Variants in KCNT2 observed in about 807,000 individuals in gnomAD.
KCNT2 encodes the protein potassium channel subfamily T member 2.
Under a neutral mutation model 153.8 loss-of-function variants are expected in KCNT2, and 67 were observed. The ratio of observed to expected loss-of-function variants is 0.44; its 90% CI spans 0.36 to 0.53. The LOEUF (loss-of-function observed/expected upper bound fraction) is 0.53. KCNT2 is among the 20% of genes least tolerant of loss of function. KCNT2 has a pLI of 0.00. For synonymous variants in KCNT2, 500 were observed against 458.8 expected, an observed-to-expected ratio of 1.09 and a Z score of -1.15; for missense variants, 975 against 1,354.8, an observed-to-expected ratio of 0.72 and a Z score of 4.40.
At chr1:196,293,317 C>A (rs1350444054) in intron 22 of KCNT2, among the ~76,000 whole-genome samples, 2 of 151,462 alleles carry the variant, frequency 1.3e-5, no homozygotes, top group Non-Finnish European at 3.0e-5. Flanking sequence ...ACAGCCAAAG[C>A]AATCTTAAGA....
chr1:196,475,372 C>T (rs1484739780), intron 5 of KCNT2, among the ~76,000 whole-genome samples: 3 of 151,964 alleles, frequency 2.0e-5, no homozygotes, highest in South Asian at 2.1e-4. Flanking sequence ...CCCAGCACTT[C>T]GGGAGGCTGA....
chr1:196,445,248 T>C (rs1000253323), intron 8 of KCNT2, among the ~76,000 whole-genome samples: 2 of 151,372 alleles, frequency 1.3e-5, no homozygotes, highest in Admixed American at 1.3e-4. Context: ...TTAAATGTCC[T>C]TGCACATGTG....
intron 21 of KCNT2, among the ~76,000 whole-genome samples, chr1:196,314,213 TC>T (rs1475844983): frequency 1.3e-5 from 2 of 151,548 alleles, no homozygotes; most frequent in Admixed American, 1.3e-4. Context: ...GAAATAAAAT[TC>T]ATGGTAAATT....
intron 16 of KCNT2, among the ~76,000 whole-genome samples, chr1:196,339,531 AG>A (rs1226600941): frequency 5.3e-5 from 8 of 151,624 alleles, no homozygotes; most frequent in South Asian, 2.1e-4. Flanking sequence ...AGAGAGAGAG[AG>A]AGAGAGAGAG....
intron 1 of KCNT2, among the ~76,000 whole-genome samples, chr1:196,494,578 C>G (rs934374039): frequency 6.6e-6 from 1 of 152,020 alleles, no homozygotes; most frequent in Non-Finnish European, 1.5e-5. Flanking sequence ...AGGATGGTCT[C>G]AATTTCCTGA....
chr1:196,228,534 G>A (rs930292579), intron 27 of KCNT2, among the ~76,000 whole-genome samples, 199 bp from the exon 28 acceptor site: 1 of 152,034 alleles, frequency 6.6e-6, no homozygotes, highest in Admixed American at 6.6e-5. Context: ...TTTCATACCT[G>A]AGAAGATTAT....
chr1:196,543,786 T>C (rs1012444540), intron 1 of KCNT2, among the ~76,000 whole-genome samples: 3 of 152,088 alleles, frequency 2.0e-5, no homozygotes, highest in Non-Finnish European at 4.4e-5. Flanking sequence ...CCCTTATACA[T>C]TGTTGATTAG....
intron 26 of KCNT2, chr1:196,257,191 T>C (rs1656590166): frequency 1.0e-6 from 1 of 963,294 alleles, no homozygotes; most frequent in Non-Finnish European, 1.2e-6. Context: ...AATATACACA[T>C]AAAGCACCTA....
intron 1 of KCNT2, among the ~76,000 whole-genome samples, chr1:196,495,907 T>C (rs918449891): frequency 6.6e-6 from 1 of 152,192 alleles, no homozygotes; most frequent in Non-Finnish European, 1.5e-5. Context: ...TCAACAACAT[T>C]TTATTTGGGT....
intron 23 of KCNT2, 84 bp from the exon 24 acceptor site, chr1:196,282,440 A>T: frequency 1.6e-6 from 1 of 637,240 alleles, no homozygotes; most frequent in Non-Finnish European, 2.7e-6. Flanking sequence ...AAAAGTGTGA[A>T]CATCTGACTT....
intron 26 of KCNT2, among the ~76,000 whole-genome samples, chr1:196,247,651 T>A (rs1283027385): frequency 6.6e-5 from 10 of 152,086 alleles, no homozygotes; most frequent in Admixed American, 5.9e-4. Flanking sequence ...GAAAAGCCCC[T>A]TATAAAACCA....
chr1:196,354,178 G>A (rs571571951), intron 14 of KCNT2, among the ~76,000 whole-genome samples: 6 of 151,632 alleles, frequency 4.0e-5, no homozygotes, highest in Non-Finnish European at 7.4e-5. Flanking sequence ...CTAAAGAAAA[G>A]CCTTGGTGTT....
At chr1:196,454,828 A>G (rs1676517282) in intron 8 of KCNT2, among the ~76,000 whole-genome samples, 1 of 151,988 alleles carries the variant, frequency 6.6e-6, no homozygotes, top group Non-Finnish European at 1.5e-5. Context: ...AAGTCTAGGT[A>G]GGCTCAGCCG....
intron 14 of KCNT2, among the ~76,000 whole-genome samples, chr1:196,355,982 T>A (rs1362442168): frequency 2.0e-5 from 3 of 151,800 alleles, no homozygotes; most frequent in Admixed American, 6.6e-5. Flanking sequence ...CATTGCTATA[T>A]CTGTACCTTT....
chr1:196,428,351 G>A (rs1673835916), intron 9 of KCNT2, 82 bp from the exon 10 acceptor site: 1 of 985,950 alleles, frequency 1.0e-6, no homozygotes, highest in Middle Eastern at 2.2e-4. Flanking sequence ...TGTTTATTAG[G>A]TATTTTCAAT....
At chr1:196,454,074 A>G (rs891464096) in intron 8 of KCNT2, among the ~76,000 whole-genome samples, 1 of 151,666 alleles carries the variant, frequency 6.6e-6, no homozygotes, top group Middle Eastern at 3.2e-3. Flanking sequence ...TCCTGAAATA[A>G]TTTTCTTACA....
At chr1:196,246,294 A>G (rs966494581) in intron 26 of KCNT2, among the ~76,000 whole-genome samples, 11 of 152,152 alleles carry the variant, frequency 7.2e-5, no homozygotes, top group African/African-American at 2.7e-4. Context: ...TCTTTAAACA[A>G]AAAAGGGAAA....
rs552822907 is a variant in KCNT2 at position 196,462,945 on chromosome 1, A to G, written c.638+2348T>C. On this transcript the variant is annotated intron_variant, in intron 8 of 27. Transcript: ENST00000294725. ...GGCCCCCTTTCAGCCATGTGTGGATATATAACCAAATTCTAGCCTAAAGTA... is the reference window on the plus strand; with the variant it reads ...GGCCCCCTTTCAGCCATGTGTGGATGTATAACCAAATTCTAGCCTAAAGTA... 3.3e-5 allele frequency among the ~76,000 whole-genome samples: 5 copies of G among 151,830 alleles called. No homozygotes were observed. In the South Asian group the frequency reaches 1.0e-3, roughly 31 times the overall value.
chr1:196,470,443 A>G (rs1172458957), intron 5 of KCNT2, among the ~76,000 whole-genome samples: 1 of 152,218 alleles, frequency 6.6e-6, no homozygotes, highest in Non-Finnish European at 1.5e-5. Flanking sequence ...AATGGTTTAC[A>G]CTCAGTAAGA....
Sources: allele counts gnomAD v4.1 joint callset (sites outside exome capture counted in the v4.1 genomes callset), GRCh38; gene constraint gnomAD v4.1.1; transcripts MANE v1.5; gene names NCBI Gene and HGNC (gene_info 2026-07-23, HGNC 2026-07-21).